TTLL3: variants seen among roughly 807,000 people sequenced by gnomAD.
The protein encoded by TTLL3 is tubulin tyrosine ligase like 3.
A neutral mutation model predicts 75.2 loss-of-function variants in TTLL3; 63 were observed. That is an observed-to-expected ratio of 0.84 (90% CI 0.68 to 1.03). TTLL3 has a LOEUF of 1.03. TTLL3 is among the 50% of genes least tolerant of loss of function. The pLI is 0.00. For synonymous variants in TTLL3, 393 were observed against 418.5 expected (o/e 0.94, Z 0.74); for missense variants, 997 against 1,069.9 (o/e 0.93, Z 0.95).
chr3:9,809,923 G>A, upstream of TTLL3: 1 of 140,018 alleles, frequency 7.1e-6, no homozygotes, highest in South Asian at 1.2e-4. Flanking sequence ...TCGAGCCTAG[G>A]CAGGAACTTC....
At chr3:9,821,426 T>A (rs2080398322) in intron 8 of TTLL3, among the ~76,000 whole-genome samples, 1 of 152,180 alleles carries the variant, frequency 6.6e-6, no homozygotes, top group Non-Finnish European at 1.5e-5. Flanking sequence ...AAATGAAGCG[T>A]AGCCCCTGTT....
At position 9,834,755 on chromosome 3, in the gene TTLL3, G is replaced by A. The variant is rs777968377; in HGVS notation, c.1900G>A (p.Val634Ile). ...CCATGTACTCCGACACCAGGGCCAG[G>A]TCCTCAGACGACAGCACAGCAAGCT... ...SPHVLRHQGQVLRRQHSKLVG... is the reference protein window; with the variant it reads ...SPHVLRHQGQILRRQHSKLVG... Residue 634 changes from valine (V) to isoleucine (I), a missense_variant, in exon 13 of 14, where the codon GTC (valine) becomes ATC (isoleucine). Transcript: ENST00000685419. 7 of 1,614,094 alleles carry A rather than the reference G, an allele frequency of 4.3e-6. No homozygotes were observed. The South Asian group carries it at 5.5e-5, about 13-fold the overall frequency.
At chr3:9,833,338 GCCA>G (rs2081758625) in intron 12 of TTLL3, 93 bp downstream of exon 12, 1 of 1,559,812 alleles carries the variant, frequency 6.4e-7, no homozygotes. Context: ...AGTCTCCACT[GCCA>G]CCACTTCAGC....
At chr3:9,816,032 C>T in intron 4 of TTLL3, 42 bp from the exon 5 acceptor site, 1 of 1,327,594 alleles carries the variant, frequency 7.5e-7, no homozygotes, top group Non-Finnish European at 1.0e-6. Context: ...GCCCTGCTAC[C>T]CACACTGGCC....
chr3:9,809,900 C>A, upstream of TTLL3: 1 of 745,528 alleles, frequency 1.3e-6, no homozygotes, highest in Non-Finnish European at 1.8e-6. Context: ...GGGCTTGGAA[C>A]GGAGGACAAG....
intron 9 of TTLL3, among the ~76,000 whole-genome samples, chr3:9,826,439 G>T (rs568793633): frequency 2.0e-5 from 3 of 152,152 alleles, no homozygotes; most frequent in African/African-American, 4.8e-5. Context: ...CTTTAAAAAA[G>T]CCCCCAACAC....
At chr3:9,832,705 C>T (rs570748307) in intron 11 of TTLL3, among the ~76,000 whole-genome samples, 16 of 152,354 alleles carry the variant, frequency 1.1e-4, no homozygotes, top group Admixed American at 9.1e-4. Context: ...AGGCTCTAGG[C>T]AGGCTCCAAA....
intron 7 of TTLL3, chr3:9,819,587 T>C: frequency 1.0e-6 from 1 of 985,744 alleles, no homozygotes; most frequent in Non-Finnish European, 1.2e-6. Flanking sequence ...AAGGAACAGC[T>C]TGGAGTGGAG....
At chr3:9,824,204 GC>G (rs1020296094) in intron 8 of TTLL3, among the ~76,000 whole-genome samples, 1 of 152,164 alleles carries the variant, frequency 6.6e-6, no homozygotes, top group African/African-American at 2.4e-5. Flanking sequence ...AAGAAAACAA[GC>G]AAGAAGAGGT....
At position 9,835,453 on chromosome 3, in the gene TTLL3, G is replaced by A. The variant is rs577870609; in HGVS notation, c.2412G>A (p.Ala804=). The A allele has an allele frequency of 2.0e-4, 323 of 1,609,728 alleles. No individual in the cohort carries two copies. The highest frequency in any genetic ancestry group is 2.5e-4 in the Non-Finnish European group (293 of 1,178,688). ...IAVGGSRVDG[A]RPCTPGSTAR... ...TTGGAGGGTCAAGAGTGGATGGGGC[G>A]AGGCCGTGTACCCCAGGGTCCACAG... Residue 804 remains alanine (A), a synonymous_variant, in exon 14 of 14, where the codon GCG becomes GCA. Transcript: ENST00000685419.
At chr3:9,821,505 TG>T (rs2080406604) in intron 8 of TTLL3, among the ~76,000 whole-genome samples, 2 of 152,118 alleles carry the variant, frequency 1.3e-5, no homozygotes, top group Admixed American at 6.6e-5. Flanking sequence ...GAATCTCAGC[TG>T]GGGTGGTGGT....
chr3:9,833,402 G>A, intron 12 of TTLL3, 157 bp downstream of exon 12: 2 of 1,199,012 alleles, frequency 1.7e-6, no homozygotes, highest in East Asian at 2.6e-5. Context: ...GCCCTGGTCT[G>A]CCCCAATCTC....
Position 9,810,548 on chromosome 3 carries a change from C to T in TTLL3, c.-41-73C>T. 6.7e-7 allele frequency: 1 copy of T among 1,489,782 alleles called. No homozygotes were observed. Among genetic ancestry groups the T allele is most frequent in the South Asian group, 1.3e-5 (1 of 76,344 alleles). The allele number at this position is 1,489,782 out of a possible 1,614,324, so 92.3% of individuals were successfully genotyped here. A position where few individuals can be genotyped will look rare whatever the true frequency, so the allele number is the denominator to read the frequency against. ...GAAAAGAGGCGTGGCTATGGGCGGC[C>T]AGAAAAGATCCTAGGCCGAGACCCT... On this transcript the variant is annotated intron_variant, in intron 1 of 13. Transcript: ENST00000685419. This position sits in a 1 kb window ranked among gnomAD's most constrained non-coding sequence, Gnocchi z 4.4.
At position 9,817,534 on chromosome 3, in the gene TTLL3, A is replaced by T. The variant is rs963535996; in HGVS notation, c.445-111A>T. On this transcript the variant is annotated intron_variant, in intron 5 of 13. Coordinates refer to ENST00000685419, the MANE Select transcript of TTLL3 (RefSeq NM_001387446.1). ...TAGATGTGAGCAACTCAGACCTTGC[A>T]AGCGGGGCCAAGGCTCTGAGCGCAG... 1.9e-6 allele frequency: 3 copies of T among 1,581,126 alleles called. No individual in the cohort carries two copies. The East Asian group carries it at 6.8e-5, about 36-fold the overall frequency.
chr3:9,819,976 G>C, intron 7 of TTLL3: 1 of 986,908 alleles, frequency 1.0e-6, no homozygotes, highest in South Asian at 4.7e-5. Flanking sequence ...TCAGGGGTGA[G>C]TCAGGTCTGT....
At chr3:9,827,610 G>A (rs1002352454) in intron 10 of TTLL3, 2 of 248,166 alleles carry the variant, frequency 8.1e-6, no homozygotes, top group Non-Finnish European at 8.0e-6. Flanking sequence ...TGTTGCCCAG[G>A]TTGGTCTCAA....
In TTLL3 at chr3:9,835,916, T is replaced by G. The variant is rs577818266; in HGVS notation, c.*427T>G. ...AAACATCCAATAAGCCACACCCACC[T>G]GAAGAAAAGTGTGGCACTGCTTAGT... On this transcript the variant is annotated 3_prime_UTR_variant, in exon 14 of 14. Transcript: ENST00000685419. 1 of 163,380 alleles carries G rather than the reference T, an allele frequency of 6.1e-6. No homozygotes were observed. Among genetic ancestry groups the G allele is most frequent in the East Asian group, 1.8e-4 (1 of 5,560 alleles). The allele number at this position is 163,380 out of a possible 1,614,324, so 10.1% of individuals were successfully genotyped here.
Position 9,836,173 on chromosome 3 carries a change from C to G in TTLL3, c.*684C>G, listed in dbSNP as rs1398038405. 1 of 152,334 alleles carries G rather than the reference C, an allele frequency of 6.6e-6. No individual in the cohort carries two copies. The highest frequency in any genetic ancestry group is 1.9e-4 in the East Asian group (1 of 5,176). 9.4% of individuals were successfully genotyped at this position (152,334 alleles called of 1,614,324 possible). Reference sequence around the variant, plus strand: ...AATTAGCTGGGTGTGGTGGCACACACCTGTAGTCCTAGCTACTCGGGAGGC... The same window carrying G: ...AATTAGCTGGGTGTGGTGGCACACAGCTGTAGTCCTAGCTACTCGGGAGGC... On this transcript the variant is annotated 3_prime_UTR_variant, in exon 14 of 14. Transcript: ENST00000685419.
Position 9,835,347 on chromosome 3 carries a change from G to A in TTLL3, c.2306G>A (p.Arg769Gln), listed in dbSNP as rs377604036. ...GDMKLGKPLLRFPTALVLDPT... is the reference protein window; with the variant it reads ...GDMKLGKPLLQFPTALVLDPT... ...ATGAAGCTAGGGAAGCCCCTGCTTC[G>A]ATTCCCCACTGCCCTTGTCCTGGAT... Residue 769 changes from arginine to glutamine, a missense_variant, in exon 14 of 14, where the codon CGA becomes CAA. Transcript: ENST00000685419. 4.5e-5 allele frequency: 73 copies of A among 1,614,126 alleles called. No individual in the cohort carries two copies. Among genetic ancestry groups the A allele is most frequent in the South Asian group, 4.3e-4 (39 of 91,076 alleles).
Sources: allele counts gnomAD v4.1 joint callset (sites outside exome capture counted in the v4.1 genomes callset), GRCh38; gene constraint gnomAD v4.1.1; non-coding constraint Gnocchi (gnomAD v3.1); transcripts MANE v1.5; gene names NCBI Gene and HGNC (gene_info 2026-07-23, HGNC 2026-07-21).